SPAG16: variants seen among roughly 807,000 people sequenced by gnomAD.
SPAG16 encodes sperm associated antigen 16.
Under a neutral mutation model 80.4 loss-of-function variants are expected in SPAG16, and 86 were observed. That is an observed-to-expected ratio of 1.07 (90% confidence interval 0.90 to 1.28). SPAG16 has a LOEUF of 1.28. Among genes scored for constraint, SPAG16 ranks in the 50% most tolerant of loss-of-function variants. The pLI, the probability that SPAG16 is intolerant of heterozygous loss-of-function variation, is 0.00. For missense variants in SPAG16, 870 were observed against 765.3 expected (o/e 1.14, Z -1.61); for synonymous variants, 294 against 265.9 (o/e 1.11, Z -1.03).
intron 9 of SPAG16, among the ~76,000 whole-genome samples, chr2:213,440,472 G>A (rs1414687799): frequency 2.6e-5 from 4 of 152,110 alleles, no homozygotes; most frequent in Non-Finnish European, 4.4e-5. Flanking sequence ...GGAGAATGGT[G>A]TGAACCCAGG....
Position 213,305,834 on chromosome 2 carries a change from A to G in SPAG16, c.280-4225A>G, listed in dbSNP as rs1027999405. 5.9e-5 allele frequency among the ~76,000 whole-genome samples: 9 copies of G among 152,210 alleles called. No individual in the cohort carries two copies. In the East Asian group the frequency reaches 1.7e-3, roughly 29 times the overall value. ...TTTAACATGTCTTTGTCTGGCCTTG[A>G]TATCAGGGTAATACTGGCCTCATAG... On this transcript the variant is annotated intron_variant, in intron 3 of 15. Coordinates refer to ENST00000331683, the MANE Select transcript of SPAG16 (RefSeq NM_024532.5).
intron 13 of SPAG16, among the ~76,000 whole-genome samples, chr2:214,102,878 G>C (rs945846419): frequency 6.6e-6 from 1 of 152,096 alleles, no homozygotes; most frequent in Admixed American, 6.6e-5. Context: ...AGACCTAAGC[G>C]GGCTCATGAA....
intron 10 of SPAG16, among the ~76,000 whole-genome samples, chr2:213,527,396 C>T (rs1040348988): frequency 6.6e-6 from 1 of 152,168 alleles, no homozygotes; most frequent in African/African-American, 2.4e-5. Flanking sequence ...GCTTCTGTTG[C>T]TCTTTTATAT....
At chr2:213,881,657 T>A (rs1353717301) in intron 11 of SPAG16, among the ~76,000 whole-genome samples, 2 of 152,196 alleles carry the variant, frequency 1.3e-5, no homozygotes, top group African/African-American at 2.4e-5. Context: ...GAACAACCCC[T>A]TATAAAACCA....
At chr2:213,536,133 G>T (rs2076237512) in intron 10 of SPAG16, among the ~76,000 whole-genome samples, 1 of 151,968 alleles carries the variant, frequency 6.6e-6, no homozygotes, top group Non-Finnish European at 1.5e-5. Flanking sequence ...TTAGTCTTTT[G>T]TATAGTTCAC....
At chr2:213,563,256 T>G (rs1374593768) in intron 10 of SPAG16, among the ~76,000 whole-genome samples, 1 of 152,240 alleles carries the variant, frequency 6.6e-6, no homozygotes, top group African/African-American at 2.4e-5. Context: ...TGACAGATTT[T>G]TTTTTCACAT....
At chr2:214,249,478 G>A (rs900655007) in intron 15 of SPAG16, among the ~76,000 whole-genome samples, 3 of 151,912 alleles carry the variant, frequency 2.0e-5, no homozygotes, top group Admixed American at 6.6e-5. Context: ...AGAGGACATG[G>A]GGAGGAAGGG....
At chr2:214,332,920 A>G (rs1350914206) in intron 15 of SPAG16, among the ~76,000 whole-genome samples, 1 of 152,210 alleles carries the variant, frequency 6.6e-6, no homozygotes, top group Non-Finnish European at 1.5e-5. Flanking sequence ...TTCCTTAATT[A>G]CCTTGCCTTT....
intron 15 of SPAG16, chr2:214,240,750 A>AC (rs1689403568): frequency 6.6e-6 from 1 of 152,220 alleles, no homozygotes; most frequent in African/African-American, 2.4e-5. Flanking sequence ...ATCATAAAAA[A>AC]TATAAAGATC....
chr2:213,619,167 T>C (rs2061692118), intron 10 of SPAG16, among the ~76,000 whole-genome samples: 1 of 152,120 alleles, frequency 6.6e-6, no homozygotes, highest in African/African-American at 2.4e-5. Context: ...CTTTATAAAC[T>C]GTGGACCCTT....
chr2:213,969,735 CACAA>C (rs1262450491), intron 12 of SPAG16, among the ~76,000 whole-genome samples: 1 of 151,972 alleles, frequency 6.6e-6, no homozygotes, highest in Non-Finnish European at 1.5e-5. Context: ...GTTACAGTAT[CACAA>C]ACAGACTAAG....
At chr2:214,027,963 T>C (rs191785704) in intron 13 of SPAG16, among the ~76,000 whole-genome samples, 1 of 152,096 alleles carries the variant, frequency 6.6e-6, no homozygotes, top group Non-Finnish European at 1.5e-5. Context: ...TGTGTTATTT[T>C]AGCTAACTAA....
At chr2:213,724,292 G>A (rs1256188366) in intron 10 of SPAG16, among the ~76,000 whole-genome samples, 2 of 152,092 alleles carry the variant, frequency 1.3e-5, no homozygotes, top group Non-Finnish European at 2.9e-5. Flanking sequence ...CAATGACAAT[G>A]GGGAGGAAGG....
intron 10 of SPAG16, among the ~76,000 whole-genome samples, chr2:213,831,094 C>T (rs976317200): frequency 3.0e-5 from 4 of 131,286 alleles, no homozygotes; most frequent in South Asian, 4.7e-4. Context: ...GGTTGGAGTG[C>T]AGTGGCCCAA....
intron 10 of SPAG16, among the ~76,000 whole-genome samples, chr2:213,818,358 A>C (rs1328755707): frequency 6.6e-6 from 1 of 152,096 alleles, no homozygotes; most frequent in Admixed American, 6.6e-5. Flanking sequence ...ACTTTATCTC[A>C]GGTCATTGTT....
At chr2:213,330,915 C>CT (rs542531134) in intron 5 of SPAG16, among the ~76,000 whole-genome samples, 21 of 151,946 alleles carry the variant, frequency 1.4e-4, no homozygotes, top group Admixed American at 9.2e-4. Flanking sequence ...CACAAGCTCA[C>CT]TTTTTTTTGC....
chr2:213,450,569 C>T (rs1412795457), intron 9 of SPAG16, among the ~76,000 whole-genome samples: 1 of 152,074 alleles, frequency 6.6e-6, no homozygotes, highest in Non-Finnish European at 1.5e-5. Context: ...TTTAAATTTA[C>T]TTTTACTTTA....
At chr2:213,317,152 T>G (rs933688675) in intron 4 of SPAG16, 67 bp from the exon 5 acceptor site, 9 of 979,316 alleles carry the variant, frequency 9.2e-6, no homozygotes, top group Non-Finnish European at 1.4e-5. Context: ...CTTTTTGAAT[T>G]GTACATAAAT....
At chr2:213,355,023 C>T (rs1024140170) in intron 7 of SPAG16, among the ~76,000 whole-genome samples, 4 of 152,102 alleles carry the variant, frequency 2.6e-5, no homozygotes, top group African/African-American at 4.8e-5. Context: ...TTTAATCCAT[C>T]GTGAATTAAT....
Sources: allele counts gnomAD v4.1 joint callset (sites outside exome capture counted in the v4.1 genomes callset), GRCh38; gene constraint gnomAD v4.1.1; transcripts MANE v1.5; gene names NCBI Gene and HGNC (gene_info 2026-07-23, HGNC 2026-07-21).